The following KCNH1 variants were observed in gnomAD, a reference collection of about 807,000 sequenced individuals.
KCNH1 encodes voltage-gated delayed rectifier potassium channel KCNH1.
In KCNH1, 27 loss-of-function variants were observed where a neutral mutation model predicts 69.2. That is an observed-to-expected ratio of 0.39 (90% CI 0.29 to 0.54). The LOEUF (loss-of-function observed/expected upper bound fraction) is 0.54, where lower values mean the gene tolerates loss of function less well. Among genes scored for constraint, KCNH1 ranks in the 20% least tolerant of loss-of-function variants. The pLI is 0.68. For missense variants in KCNH1, 798 were observed against 1,261.6 expected, an observed-to-expected ratio of 0.63 and a Z score of 5.57; for synonymous variants, 456 against 487.7, an observed-to-expected ratio of 0.93 and a Z score of 0.86.
intron 6 of KCNH1, among the ~76,000 whole-genome samples, chr1:210,977,376 T>C (rs961233892): frequency 6.6e-6 from 1 of 152,172 alleles, no homozygotes; most frequent in East Asian, 1.9e-4. Flanking sequence ...CACACCAACA[T>C]GGCACATGTA....
chr1:210,762,893 T>C (rs529869316), intron 10 of KCNH1, among the ~76,000 whole-genome samples: 10 of 152,176 alleles, frequency 6.6e-5, no homozygotes, highest in African/African-American at 2.4e-4. Context: ...ATCATCATGA[T>C]ACCAAAATCT....
intron 7 of KCNH1, among the ~76,000 whole-genome samples, chr1:210,879,636 C>A (rs938040613): frequency 6.6e-6 from 1 of 151,924 alleles, no homozygotes; most frequent in East Asian, 1.9e-4. Flanking sequence ...CTACAAAAAA[C>A]CTAAAGCTAA....
intron 1 of KCNH1, among the ~76,000 whole-genome samples, chr1:211,115,461 G>T (rs988211412): frequency 1.2e-4 from 18 of 151,922 alleles, no homozygotes; most frequent in Non-Finnish European, 2.5e-4. Context: ...CCCTTAATCT[G>T]GTGGGCACCA....
chr1:210,966,133 A>G (rs1191980394), intron 6 of KCNH1, among the ~76,000 whole-genome samples: 1 of 152,210 alleles, frequency 6.6e-6, no homozygotes, highest in Non-Finnish European at 1.5e-5. Flanking sequence ...AGAAATGGGG[A>G]AAAGGTTCCC....
intron 5 of KCNH1, among the ~76,000 whole-genome samples, chr1:211,024,513 G>T (rs973027521): frequency 6.6e-6 from 1 of 152,218 alleles, no homozygotes; most frequent in Non-Finnish European, 1.5e-5. Context: ...GCGGAAACTA[G>T]ACCACACAGG....
chr1:210,918,381 C>A (rs1279781427), intron 7 of KCNH1, among the ~76,000 whole-genome samples: 2 of 152,160 alleles, frequency 1.3e-5, no homozygotes, highest in Admixed American at 6.5e-5. Flanking sequence ...ACCAGAGGAC[C>A]GTCTTCTCAC....
chr1:210,795,962 AACACACACACACACACAC>A (rs369505764), intron 9 of KCNH1, among the ~76,000 whole-genome samples: 26 of 136,076 alleles, frequency 1.9e-4, no homozygotes, highest in Non-Finnish European at 4.7e-5. Flanking sequence ...CTCTACTAAA[AACACACACACACACACAC>A]ACACACACAC....
chr1:210,830,106 A>G (rs1685126207), intron 7 of KCNH1, among the ~76,000 whole-genome samples: 1 of 152,142 alleles, frequency 6.6e-6, no homozygotes. Flanking sequence ...TGATTCCCCT[A>G]CTAGTTCCTC....
At chr1:210,781,293 T>C (rs954345518) in intron 9 of KCNH1, among the ~76,000 whole-genome samples, 7 of 152,210 alleles carry the variant, frequency 4.6e-5, no homozygotes, top group East Asian at 3.9e-4. Flanking sequence ...CACTACTCTG[T>C]TGGCGGCTTC....
At chr1:210,991,999 C>G (rs1393309913) in intron 6 of KCNH1, among the ~76,000 whole-genome samples, 2 of 152,102 alleles carry the variant, frequency 1.3e-5, no homozygotes, top group African/African-American at 4.8e-5. Context: ...GAGGAGTTTC[C>G]CAAAAGCAAT....
chr1:210,965,253 C>A lies in KCNH1; in HGVS notation c.1033-45184G>T, dbSNP rs576997237. ...ATAGTGTTGGAAGTTCCAGCCAGAG[C>A]AATCAGGCAAGAGAAAGAAATAAAG... On this transcript the variant is annotated intron_variant, in intron 6 of 10. Transcript: ENST00000271751. 2.0e-5 allele frequency among the ~76,000 whole-genome samples: 3 copies of A among 152,200 alleles called. No homozygotes were observed. The South Asian group carries it at 6.2e-4, about 32-fold the overall frequency.
intron 6 of KCNH1, among the ~76,000 whole-genome samples, chr1:211,011,430 A>G: frequency 6.6e-6 from 1 of 152,170 alleles, no homozygotes; most frequent in East Asian, 1.9e-4. Context: ...CAGTGCTGCA[A>G]TAAACATATG....
chr1:210,922,383 C>CAAAAAAAAAAAAAAAA (rs758026291), intron 6 of KCNH1, among the ~76,000 whole-genome samples: 1 of 98,350 alleles, frequency 1.0e-5, no homozygotes, highest in African/African-American at 3.5e-5. Context: ...GACTCCGTCT[C>CAAAAAAAAAAAAAAAA]AAAAAAAAAA....
intron 1 of KCNH1, among the ~76,000 whole-genome samples, chr1:211,111,619 C>G (rs973892245): frequency 2.0e-5 from 3 of 148,812 alleles, no homozygotes; most frequent in Admixed American, 2.0e-4. Flanking sequence ...TGGAGCGCCT[C>G]TGCCCGGCCC....
At chr1:210,947,498 C>G (rs566474650) in intron 6 of KCNH1, among the ~76,000 whole-genome samples, 1 of 151,646 alleles carries the variant, frequency 6.6e-6, no homozygotes, top group East Asian at 1.9e-4. Context: ...TGGCATGAAC[C>G]TGGGGGGCGG....
In KCNH1 at chr1:210,919,992, G is replaced by A. The variant is rs146308514; in HGVS notation, c.1110C>T (p.His370=). The A allele has an allele frequency of 6.2e-6, 10 of 1,614,034 alleles. No homozygotes were observed. The highest frequency in any genetic ancestry group is 6.8e-6 in the Non-Finnish European group (8 of 1,180,026). The change falls in exon 7 of 11, where the codon CAC becomes CAT. Residue 370 remains histidine (H), a synonymous_variant. Transcript: ENST00000271751. The surrounding 1 kb of genome is among the most constrained non-coding windows in gnomAD (Gnocchi z 4.2). ...GCACAGCAGCTCCATATTCAATGTA[G>A]TGGTCCAGCTTACGGGCCACTCGCC... is the stretch of plus-strand genomic sequence containing the variant. ...RLGRVARKLD[H]YIEYGAAVLV...
intron 6 of KCNH1, among the ~76,000 whole-genome samples, chr1:210,945,735 T>C (rs144557849): frequency 6.6e-6 from 1 of 152,154 alleles, no homozygotes; most frequent in East Asian, 1.9e-4. Context: ...TGGGTACCCT[T>C]CCACCGCAGG....
chr1:210,794,606 C>T (rs909090420), intron 9 of KCNH1, among the ~76,000 whole-genome samples: 2 of 152,138 alleles, frequency 1.3e-5, no homozygotes, highest in African/African-American at 4.8e-5. Context: ...TTTGTCTTCC[C>T]CACCCCTCTT....
At position 211,019,139 on chromosome 1, in the gene KCNH1, TC is replaced by T; in HGVS notation, c.675del (p.Ile226SerfsTer2). ...VFKTTWDWII[L>X]ILTFYTAILV... ...AAGATGGCTGTATAGAAGGTCAAGA[TC>T]AAGATGATCCAATCCCACGTGGTCT... On this transcript the variant is annotated frameshift_variant, in exon 6 of 11. Coordinates refer to ENST00000271751, the MANE Select transcript of KCNH1 (RefSeq NM_172362.3). LOFTEE classifies it high-confidence loss of function. 6.2e-7 allele frequency: 1 copy of T among 1,613,966 alleles called. No homozygotes were observed. Among genetic ancestry groups the T allele is most frequent in the Non-Finnish European group, 8.5e-7 (1 of 1,179,924 alleles).
Sources: gnomAD v4.1 joint callset for allele counts (sites outside exome capture counted in the v4.1 genomes callset) on GRCh38, gnomAD v4.1.1 for gene constraint, Gnocchi (gnomAD v3.1) non-coding constraint, MANE v1.5 for transcripts, NCBI Gene and HGNC (gene_info 2026-07-23, HGNC 2026-07-21) for gene names.